Variants in PCDHGA5 observed in about 807,000 individuals in gnomAD.
PCDHGA5 encodes the protein protocadherin gamma subfamily A, 5.
A neutral mutation model predicts 56.7 loss-of-function variants in PCDHGA5; 36 were observed. The observed-to-expected ratio is 0.64, with a 90% confidence interval of 0.49 to 0.84. PCDHGA5 has a LOEUF of 0.84. Ranked by LOEUF, PCDHGA5 falls within the 40% of genes least tolerant of loss-of-function variation. The probability of loss-of-function intolerance (pLI) is 0.00; values close to 1 mark genes in which losing one functional copy is unlikely to be tolerated. For synonymous variants in PCDHGA5, 563 were observed against 520.2 expected, an observed-to-expected ratio of 1.08 and a Z score of -1.12; for missense variants, 1,305 against 1,201.5, an observed-to-expected ratio of 1.09 and a Z score of -1.27.
At chr5:141,450,008 T>C (rs78952430) in intron 1 of PCDHGA5, among the ~76,000 whole-genome samples, 2 of 37,390 alleles carry the variant, frequency 5.3e-5, no homozygotes, top group African/African-American at 6.8e-4. Flanking sequence ...CCATGTCTCT[T>C]TTTTTTTTTT....
chr5:141,497,502 T>C (rs1216218103), intron 2 of PCDHGA5, among the ~76,000 whole-genome samples: 1 of 151,628 alleles, frequency 6.6e-6, no homozygotes, highest in East Asian at 1.9e-4. Flanking sequence ...CTCTCCTCTC[T>C]CTGCTTCCTT....
intron 1 of PCDHGA5, chr5:141,423,243 C>G (rs2096724455): frequency 6.2e-7 from 1 of 1,613,842 alleles, no homozygotes. Flanking sequence ...TCCCCGAAGT[C>G]CTGGCGGACC....
At chr5:141,380,998 A>G (rs1382906356) in intron 1 of PCDHGA5, among the ~76,000 whole-genome samples, 1 of 152,262 alleles carries the variant, frequency 6.6e-6, no homozygotes, top group East Asian at 1.9e-4. Context: ...CAGTTTACAG[A>G]ATTCATCTAT....
chr5:141,477,253 G>A lies in PCDHGA5; in HGVS notation c.2422-17554G>A, dbSNP rs1303718568. The A allele has an allele frequency of 1.9e-6, 3 of 1,614,154 alleles. No individual in the cohort carries two copies. The highest frequency in any genetic ancestry group is 2.2e-5 in the South Asian group (2 of 91,070). Reference sequence around the variant, plus strand: ...TCGCTTTGCTCAGTGTGACTGACCTGGATGCTGGCGAGAACGGGCTGGTGA... The same window carrying A: ...TCGCTTTGCTCAGTGTGACTGACCTAGATGCTGGCGAGAACGGGCTGGTGA... On this transcript the variant is annotated intron_variant, in intron 1 of 3. Transcript: ENST00000518069. This position sits in a 1 kb window ranked among gnomAD's most constrained non-coding sequence, Gnocchi z 4.9.
chr5:141,377,812 C>T (rs535022477), intron 1 of PCDHGA5: 1 of 152,244 alleles, frequency 6.6e-6, no homozygotes, highest in Admixed American at 6.5e-5. Flanking sequence ...CTGTTATTTA[C>T]TTGGGCCAGT....
At chr5:141,421,941 T>C (rs186605459) in intron 1 of PCDHGA5, 2 of 1,613,456 alleles carry the variant, frequency 1.2e-6, no homozygotes, top group East Asian at 4.5e-5. Context: ...ATGTAAATGA[T>C]CACATCCCAA....
intron 1 of PCDHGA5, among the ~76,000 whole-genome samples, chr5:141,449,525 G>T (rs2098641561): frequency 6.7e-6 from 1 of 148,580 alleles, no homozygotes; most frequent in South Asian, 2.1e-4. Flanking sequence ...GGAGGCGGAG[G>T]TTGCAGTGAG....
Position 141,410,521 on chromosome 5 carries a change from A to G in PCDHGA5, c.2421+43770A>G, listed in dbSNP as rs201505796. ...ATTTCCTAAAATGCAGTGTGCCCCT[A>G]CATTCCAATGAAGACATGGTTTGCA... is the stretch of plus-strand genomic sequence containing the variant. On this transcript the variant is annotated intron_variant, in intron 1 of 3. Coordinates refer to ENST00000518069, the MANE Select transcript of PCDHGA5 (RefSeq NM_018918.3). 1,940 of 1,613,966 alleles carry G rather than the reference A, an allele frequency of 1.2e-3. 3 individuals are homozygous for G. Among genetic ancestry groups the G allele is most frequent in the Non-Finnish European group, 1.5e-3 (1,760 of 1,179,896 alleles).
rs759226115 is a variant in PCDHGA5 at position 141,405,385 on chromosome 5, AT to A, written c.2421+38642del. On this transcript the variant is annotated intron_variant, in intron 1 of 3. Transcript: ENST00000518069. ...ACACCCCTTTGGTTCCGGTGAGTTC[AT>A]TTTTTTTCTTTCTTTCTTTTCTTTT... 1.8e-5 allele frequency: 29 copies of A among 1,599,886 alleles called. No homozygotes were observed. In the East Asian group the frequency reaches 2.2e-4, roughly 12 times the overall value.
chr5:141,508,334 C>T (rs1323577321), intron 3 of PCDHGA5: 2 of 151,150 alleles, frequency 1.3e-5, no homozygotes, highest in African/African-American at 4.9e-5. Flanking sequence ...GGAGAACTGA[C>T]TCTACAGAAA....
chr5:141,414,123 C>T (rs1328389134), intron 1 of PCDHGA5: 1 of 1,592,532 alleles, frequency 6.3e-7, no homozygotes. Flanking sequence ...ATGAAGAAAC[C>T]GGTTTCTATG....
intron 2 of PCDHGA5, among the ~76,000 whole-genome samples, chr5:141,501,802 C>T (rs2099811151): frequency 1.3e-5 from 2 of 152,154 alleles, no homozygotes; most frequent in Non-Finnish European, 2.9e-5. Context: ...ATCTCTTACC[C>T]AGCTTCACAT....
In PCDHGA5 at chr5:141,410,693, A is replaced by AT. The variant is rs774266569; in HGVS notation, c.2421+43946dup. On this transcript the variant is annotated intron_variant, in intron 1 of 3. Coordinates refer to ENST00000518069, the MANE Select transcript of PCDHGA5 (RefSeq NM_018918.3). ...TCTCATATTTTAGGCATACTACTTT[A>AT]TTTTCATATCTAGAATCATATGTTT... The AT allele has an allele frequency of 1.1e-5, 17 of 1,496,786 alleles. No homozygotes were observed. In the Admixed American group the frequency reaches 3.7e-4, roughly 33 times the overall value. The allele number at this position is 1,496,786 out of a possible 1,614,324, so 92.7% of individuals were successfully genotyped here.
At chr5:141,415,824 CT>C (rs1412807947) in intron 1 of PCDHGA5, 8 of 1,306,364 alleles carry the variant, frequency 6.1e-6, no homozygotes, top group Non-Finnish European at 7.8e-6. Flanking sequence ...TATCATAAGG[CT>C]TTGTTATGAT....
intron 1 of PCDHGA5, chr5:141,426,778 C>A (rs780981970): frequency 2.2e-6 from 1 of 456,716 alleles, no homozygotes; most frequent in South Asian, 1.5e-5. Context: ...GGGCCTCACT[C>A]TCTCCAGAGT....
chr5:141,368,326 T>A (rs1444418576), intron 1 of PCDHGA5, among the ~76,000 whole-genome samples: 3 of 152,122 alleles, frequency 2.0e-5, no homozygotes, highest in Non-Finnish European at 2.9e-5. Context: ...TTCAAGTATA[T>A]CTATATCTAT....
chr5:141,490,565 T>C lies in PCDHGA5; in HGVS notation c.2422-4242T>C. ...CTACACAAACATCTCACCATCAGGC[T>C]CAACATTTCAGATGTCAATGACAAT... On this transcript the variant is annotated intron_variant, in intron 1 of 3. Coordinates refer to ENST00000518069, the MANE Select transcript of PCDHGA5 (RefSeq NM_018918.3). This position sits in a 1 kb window ranked among gnomAD's most constrained non-coding sequence, Gnocchi z 5.4. 8 of 1,614,116 alleles carry C rather than the reference T, an allele frequency of 5.0e-6. No individual in the cohort carries two copies. Among genetic ancestry groups the C allele is most frequent in the Non-Finnish European group, 6.8e-6 (8 of 1,180,024 alleles).
intron 1 of PCDHGA5, among the ~76,000 whole-genome samples, chr5:141,449,677 A>G (rs543079734): frequency 6.3e-4 from 96 of 151,362 alleles, no homozygotes; most frequent in Non-Finnish European, 1.1e-3. Flanking sequence ...GTGTATGTAT[A>G]TATGTTTGTG....
At chr5:141,394,982 C>CCTGCTCCA (rs2093142772) in intron 1 of PCDHGA5, 2 of 1,613,866 alleles carry the variant, frequency 1.2e-6, no homozygotes, top group South Asian at 2.2e-5. Flanking sequence ...ACAAGTCACG[C>CCTGCTCCA]CTGCTCCAGG....
Sources: allele counts gnomAD v4.1 joint callset (sites outside exome capture counted in the v4.1 genomes callset), GRCh38; gene constraint gnomAD v4.1.1; non-coding constraint Gnocchi (gnomAD v3.1); transcripts MANE v1.5; gene names NCBI Gene and HGNC (gene_info 2026-07-23, HGNC 2026-07-21).